The following ACSM2B variants were observed in gnomAD, a reference collection of about 807,000 sequenced individuals.
ACSM2B encodes acyl-coenzyme A synthetase ACSM2B, mitochondrial.
In ACSM2B, 58 loss-of-function variants were observed where a neutral mutation model predicts 78.6. That is an observed-to-expected ratio of 0.74 (90% CI 0.60 to 0.92). ACSM2B has a LOEUF of 0.92. Among genes scored for constraint, ACSM2B ranks in the 40% least tolerant of loss-of-function variants. ACSM2B has a pLI of 0.00. For missense variants in ACSM2B, 688 were observed against 711.2 expected, an observed-to-expected ratio of 0.97 and a Z score of 0.37; for synonymous variants, 257 against 256.8, an observed-to-expected ratio of 1.00 and a Z score of -0.01.
intron 9 of ACSM2B, 135 bp from the exon 10 acceptor site, chr16:20,545,393 A>G (rs1267301485): frequency 4.1e-5 from 42 of 1,012,738 alleles, no homozygotes; most frequent in Non-Finnish European, 5.7e-5. Flanking sequence ...CCAAAAACCA[A>G]GGGAACCCAA....
At chr16:20,575,748 C>T (rs1320236087) in intron 1 of ACSM2B, 2 of 149,156 alleles carry the variant, frequency 1.3e-5, no homozygotes, top group Non-Finnish European at 3.0e-5. Context: ...TCAATTCAAT[C>T]AATTGACACT....
chr16:20,545,870 C>T (rs1458633022), intron 9 of ACSM2B, among the ~76,000 whole-genome samples: 2 of 152,056 alleles, frequency 1.3e-5, no homozygotes, highest in African/African-American at 4.8e-5. Flanking sequence ...CAAAAAACAA[C>T]AAGAGAAAGC....
At chr16:20,557,553 A>T (rs2015513164) in intron 3 of ACSM2B, among the ~76,000 whole-genome samples, 1 of 152,218 alleles carries the variant, frequency 6.6e-6, no homozygotes, top group Non-Finnish European at 1.5e-5. Flanking sequence ...ATCCAATATG[A>T]CCATCCAAAC....
chr16:20,554,538 C>A (rs761441309), intron 4 of ACSM2B, among the ~76,000 whole-genome samples: 1 of 152,136 alleles, frequency 6.6e-6, no homozygotes, highest in African/African-American at 2.4e-5. Context: ...ATCATATGTG[C>A]CCCCGCTAGA....
chr16:20,561,257 G>A (rs1294424026), intron 2 of ACSM2B, among the ~76,000 whole-genome samples: 1 of 151,750 alleles, frequency 6.6e-6, no homozygotes, highest in African/African-American at 2.4e-5. Context: ...AGGAATATCT[G>A]ACACTGGGTA....
At chr16:20,574,448 C>G (rs1468231380) in intron 1 of ACSM2B, 2 of 151,824 alleles carry the variant, frequency 1.3e-5, no homozygotes, top group African/African-American at 2.4e-5. Context: ...GCATAAGAAA[C>G]TATAAGAGTG....
intron 1 of ACSM2B, among the ~76,000 whole-genome samples, chr16:20,568,505 A>T (rs1259414678): frequency 6.6e-6 from 1 of 150,872 alleles, no homozygotes; most frequent in African/African-American, 2.4e-5. Flanking sequence ...TATTCCTGTA[A>T]TTGCAAATTG....
chr16:20,552,503 A>G (rs1231362015), intron 5 of ACSM2B, among the ~76,000 whole-genome samples: 1 of 152,106 alleles, frequency 6.6e-6, no homozygotes, highest in Non-Finnish European at 1.5e-5. Context: ...ATAGGAGATG[A>G]ATGTTCGGAA....
chr16:20,557,904 C>A (rs1024406932), intron 3 of ACSM2B, among the ~76,000 whole-genome samples: 3 of 152,170 alleles, frequency 2.0e-5, no homozygotes, highest in Admixed American at 1.3e-4. Flanking sequence ...TCTATCTTTG[C>A]TCATCCCTGG....
Position 20,547,941 on chromosome 16 carries a change from G to C in ACSM2B, c.1098+121C>G, listed in dbSNP as rs11862376. On this transcript the variant is annotated intron_variant, in intron 8 of 13. Coordinates refer to ENST00000329697, the MANE Select transcript of ACSM2B (RefSeq NM_001105069.2). ...TACTCAGTACCTGTCCCTTCACAGA[G>C]GCTCAATAAATATTTCTCAAATAAA... 3.7e-3 allele frequency: 5,725 copies of C among 1,544,060 alleles called. 195 individuals are homozygous for C. The African/African-American group carries it at 0.07, about 19-fold the overall frequency.
intron 10 of ACSM2B, chr16:20,544,765 G>A (rs1357995724): frequency 1.3e-5 from 13 of 987,328 alleles, no homozygotes; most frequent in East Asian, 2.2e-4. Context: ...AAGTCTCAAC[G>A]TAAAGTGCCT....
At chr16:20,567,687 C>T (rs919839214) in intron 1 of ACSM2B, among the ~76,000 whole-genome samples, 59 of 135,808 alleles carry the variant, frequency 4.3e-4, no homozygotes, top group African/African-American at 1.5e-3. Context: ...TATATCTAGA[C>T]CTAAGTGGTG....
chr16:20,553,896 A>G lies in ACSM2B; in HGVS notation c.621T>C (p.Cys207=), dbSNP rs1171082088. The change falls in exon 5 of 14, where the codon TGT becomes TGC. Residue 207 remains cysteine (C), a synonymous_variant. Coordinates refer to ENST00000329697, the MANE Select transcript of ACSM2B (RefSeq NM_001105069.2). ...LLNEASTTHH[C]VETGSQEASA... ...ATGCTTCCTGGCTTCCAGTCTCCAC[A>G]CAGTGATGAGTGGTGGATGCCTCAC... is the stretch of plus-strand genomic sequence containing the variant. 1 of 1,613,810 alleles carries G rather than the reference A, an allele frequency of 6.2e-7. No homozygotes were observed. The highest frequency in any genetic ancestry group is 8.5e-7 in the Non-Finnish European group (1 of 1,179,802).
chr16:20,553,957 G>C (rs774311003), intron 4 of ACSM2B, 37 bp from the exon 5 acceptor site: 1 of 1,611,936 alleles, frequency 6.2e-7, no homozygotes, highest in Admixed American at 1.7e-5. Flanking sequence ...CTCAGATCTA[G>C]CCTGGACACC....
chr16:20,563,957 A>C, intron 2 of ACSM2B, among the ~76,000 whole-genome samples: 1 of 150,022 alleles, frequency 6.7e-6, no homozygotes. Context: ...GAAACTCAGA[A>C]ATTTCTTCAT....
chr16:20,566,151 A>G (rs1194909618), intron 1 of ACSM2B, among the ~76,000 whole-genome samples: 1 of 142,840 alleles, frequency 7.0e-6, no homozygotes, highest in African/African-American at 2.6e-5. Flanking sequence ...TTGTTTATAT[A>G]ATATATATAT....
chr16:20,565,689 A>C (rs1469957894), intron 1 of ACSM2B, among the ~76,000 whole-genome samples: 2 of 152,038 alleles, frequency 1.3e-5, no homozygotes, highest in Non-Finnish European at 2.9e-5. Context: ...TTTCTATATA[A>C]GTTCTTTATT....
chr16:20,550,626 C>G (rs1458716027), intron 6 of ACSM2B, among the ~76,000 whole-genome samples: 6 of 152,114 alleles, frequency 3.9e-5, no homozygotes, highest in African/African-American at 1.4e-4. Context: ...CCACACCTGG[C>G]TTTTTGACTT....
chr16:20,555,743 C>T (rs1455823182), intron 3 of ACSM2B, among the ~76,000 whole-genome samples: 1 of 152,164 alleles, frequency 6.6e-6, no homozygotes, highest in Non-Finnish European at 1.5e-5. Context: ...GTCTAAGACA[C>T]ATACAATTCT....
Sources: gnomAD v4.1 joint callset for allele counts (sites outside exome capture counted in the v4.1 genomes callset) on GRCh38, gnomAD v4.1.1 for gene constraint, MANE v1.5 for transcripts, NCBI Gene and HGNC (gene_info 2026-07-23, HGNC 2026-07-21) for gene names.